Variants in GSDMA observed in about 807,000 individuals in gnomAD.
GSDMA encodes the protein gasdermin-A.
GSDMA carries 55 observed loss-of-function variants against 54.3 expected under a neutral mutation model. That is an observed-to-expected ratio of 1.01 (90% CI 0.82 to 1.27). The LOEUF (loss-of-function observed/expected upper bound fraction) is 1.27. GSDMA is among the 50% of genes most tolerant of loss of function. GSDMA has a pLI of 0.00. For synonymous variants in GSDMA, 211 were observed against 224.7 expected, an observed-to-expected ratio of 0.94 and a Z score of 0.54; for missense variants, 542 against 542.6, an observed-to-expected ratio of 1.00 and a Z score of 0.01.
rs73295294 is a variant in GSDMA, at chr17:39,971,765, C to T, written c.655+145C>T. ...GATCCGACTGCAGCCATGGAGCCTGCTCTGGAGAGAAGGGTGAAGAGGCTC... is the reference window on the plus strand; with the variant it reads ...GATCCGACTGCAGCCATGGAGCCTGTTCTGGAGAGAAGGGTGAAGAGGCTC... On this transcript the variant is annotated intron_variant, in intron 5 of 11. Transcript: ENST00000301659. 8 of 648,524 alleles carry T rather than the reference C, an allele frequency of 1.2e-5. No homozygotes were observed. In the African/African-American group the frequency reaches 1.4e-4, roughly 12 times the overall value. 40.2% of individuals were successfully genotyped at this position (648,524 alleles called of 1,614,324 possible).
chr17:39,968,825 G>C (rs1445856769), intron 3 of GSDMA, among the ~76,000 whole-genome samples: 3 of 152,188 alleles, frequency 2.0e-5, no homozygotes, highest in Non-Finnish European at 2.9e-5. Context: ...GTGACTGCGA[G>C]ATTTTACCCA....
chr17:39,967,108 T>A (rs1979705175), intron 3 of GSDMA, among the ~76,000 whole-genome samples: 1 of 152,200 alleles, frequency 6.6e-6, no homozygotes. Flanking sequence ...CCAGCAAGCA[T>A]GTATATAGTA....
chr17:39,963,629 G>A (rs111690387), intron 1 of GSDMA, among the ~76,000 whole-genome samples: 16,786 of 152,126 alleles, frequency 0.11, 1,057 homozygotes, highest in African/African-American at 0.15. Context: ...TGAGATGGGC[G>A]GATCACCTGA....
Position 39,966,400 on chromosome 17 carries a change from A to C in GSDMA, c.355A>C (p.Ser119Arg). 1 of 1,612,790 alleles carries C rather than the reference A, an allele frequency of 6.2e-7. No homozygotes were observed. Among genetic ancestry groups the C allele is most frequent in the South Asian group, 1.1e-5 (1 of 90,954 alleles). The change falls in exon 3 of 12, where the codon AGT (serine) becomes CGT (arginine). Residue 119 changes from serine to arginine, a missense_variant. Coordinates refer to ENST00000301659, the MANE Select transcript of GSDMA (RefSeq NM_178171.5). ...QNSTLEVQTL[S>R]VAPKALETVQ... ...CAGCACTCTGGAGGTCCAGACACTC[A>C]GTGTGGCTCCCAAGGCCCTGGAGAC...
chr17:39,965,848 T>C lies in GSDMA; in HGVS notation c.161T>C (p.Val54Ala), dbSNP rs761368384. ...KSTLFWGARY[V>A]RTDYTLLDVL... ...ACGCTCTTCTGGGGGGCCCGGTACG[T>C]CCGCACCGACTACACGCTGCTGGAT... Residue 54 changes from valine (V) to alanine (A), a missense_variant, in exon 2 of 12, where the codon GTC (valine) becomes GCC (alanine). Coordinates refer to ENST00000301659, the MANE Select transcript of GSDMA (RefSeq NM_178171.5). The C allele has an allele frequency of 6.4e-7, 1 of 1,569,808 alleles. No individual in the cohort carries two copies.
chr17:39,973,733 T>C, intron 7 of GSDMA, 77 bp from the exon 8 acceptor site: 1 of 1,207,816 alleles, frequency 8.3e-7, no homozygotes, highest in South Asian at 1.3e-5. Flanking sequence ...TCATCTTCCT[T>C]AGTGTCTCAA....
In GSDMA at chr17:39,977,175, T is replaced by G; in HGVS notation, c.*117T>G. ...AGCTGAAGACATCTGAAATCTCAGC[T>G]GGTCACCCATGATAACCAACTTCCA... On this transcript the variant is annotated 3_prime_UTR_variant, in exon 12 of 12. Transcript: ENST00000301659. 7.8e-7 allele frequency: 1 copy of G among 1,282,792 alleles called. No individual in the cohort carries two copies. The allele number at this position is 1,282,792 out of a possible 1,614,324, so 79.5% of individuals were successfully genotyped here.
intron 11 of GSDMA, 26 bp downstream of exon 11, chr17:39,976,023 GGA>G: frequency 2.0e-6 from 3 of 1,516,330 alleles, no homozygotes; most frequent in African/African-American, 2.7e-5. Context: ...CAGATGCTGG[GGA>G]GAGTCTGGGA....
At position 39,965,728 on chromosome 17, in the gene GSDMA, A is replaced by G. The variant is rs777833795; in HGVS notation, c.41A>G (p.Gln14Arg). The change falls in exon 2 of 12, where the codon CAG becomes CGG. Residue 14 changes from glutamine (Q) to arginine (R), a missense_variant. Coordinates refer to ENST00000301659, the MANE Select transcript of GSDMA (RefSeq NM_178171.5). ...FENVTRALARQLNPRGDLTPL... is the reference protein window; with the variant it reads ...FENVTRALARRLNPRGDLTPL... ...AATGTCACCCGGGCCCTGGCCAGAC[A>G]GCTAAACCCTCGAGGGGACCTGACA... The G allele has an allele frequency of 8.7e-6, 14 of 1,611,396 alleles. No individual in the cohort carries two copies. In the East Asian group the frequency reaches 3.1e-4, roughly 36 times the overall value.
chr17:39,970,141 G>T (rs11654570), intron 3 of GSDMA, among the ~76,000 whole-genome samples: 36 of 151,932 alleles, frequency 2.4e-4, no homozygotes, highest in Non-Finnish European at 4.6e-4. Flanking sequence ...GAGGAAAGAG[G>T]GGGGGAGCAT....
intron 6 of GSDMA, 145 bp from the exon 7 acceptor site, chr17:39,972,442 T>C (rs1979995700): frequency 1.3e-6 from 1 of 777,522 alleles, no homozygotes; most frequent in South Asian, 1.6e-5. Context: ...ACTGAGTGTG[T>C]TCCCGAATCA....
At chr17:39,968,867 A>G (rs1180631401) in intron 3 of GSDMA, among the ~76,000 whole-genome samples, 1 of 152,184 alleles carries the variant, frequency 6.6e-6, no homozygotes, top group Non-Finnish European at 1.5e-5. Flanking sequence ...TAAAGCTACC[A>G]TTACAGGTGA....
rs1251659253 is a variant in GSDMA, at chr17:39,974,958, T to A, written c.965T>A (p.Val322Asp). Residue 322 changes from valine to aspartate, a missense_variant, in exon 10 of 12, where the codon GTC becomes GAC. Coordinates refer to ENST00000301659, the MANE Select transcript of GSDMA (RefSeq NM_178171.5). ...EVTLEALPKDVLLSKEAVGAI... is the reference protein window; with the variant it reads ...EVTLEALPKDDLLSKEAVGAI... ...ACCCTGGAGGCACTCCCAAAAGATG[T>A]CCTGCTATCAAAGGAGGCCGTGGGC... is the stretch of plus-strand genomic sequence containing the variant. 3.7e-6 allele frequency: 6 copies of A among 1,613,206 alleles called. No homozygotes were observed. The highest frequency in any genetic ancestry group is 4.2e-6 in the Non-Finnish European group (5 of 1,179,598).
At chr17:39,969,355 A>AG (rs1286546508) in intron 3 of GSDMA, among the ~76,000 whole-genome samples, 166 of 151,744 alleles carry the variant, frequency 1.1e-3, no homozygotes, top group African/African-American at 3.9e-3. Flanking sequence ...AAAAAAAAAA[A>AG]AAAAGAAAAA....
chr17:39,965,502 C>A, intron 1 of GSDMA, 181 bp from the exon 2 acceptor site: 2 of 593,328 alleles, frequency 3.4e-6, no homozygotes, highest in Non-Finnish European at 6.0e-6. Flanking sequence ...GGTTCCTCAT[C>A]ATAAAATGCA....
At chr17:39,971,118 G>A (rs1226722480) in intron 4 of GSDMA, among the ~76,000 whole-genome samples, 2 of 152,230 alleles carry the variant, frequency 1.3e-5, no homozygotes, top group African/African-American at 4.8e-5. Context: ...TTGGAGCCAG[G>A]AGTAGGGGTT....
intron 3 of GSDMA, 63 bp downstream of exon 3, chr17:39,966,500 C>T (rs1232234822): frequency 1.4e-6 from 2 of 1,400,884 alleles, no homozygotes; most frequent in Non-Finnish European, 1.9e-6. Flanking sequence ...GGAAATGGTG[C>T]TTGGGGCCTT....
rs1051245569 is a variant in GSDMA, at chr17:39,977,620, A to G, written c.*562A>G. ...GCTTAAATATTCTAGGAGTAGAAGC[A>G]CTCAGACTTTTAAAACTATGAGCCG... On this transcript the variant is annotated 3_prime_UTR_variant, in exon 12 of 12. Coordinates refer to ENST00000301659, the MANE Select transcript of GSDMA (RefSeq NM_178171.5). 1 of 152,098 alleles carries G rather than the reference A, an allele frequency of 6.6e-6. No individual in the cohort carries two copies. Among genetic ancestry groups the G allele is most frequent in the Non-Finnish European group, 1.5e-5 (1 of 68,052 alleles). The allele number at this position is 152,098 out of a possible 1,614,324, so 9.4% of individuals were successfully genotyped here.
intron 1 of GSDMA, among the ~76,000 whole-genome samples, chr17:39,965,328 GAAAGAA>G (rs1468796483): frequency 6.6e-6 from 1 of 151,020 alleles, no homozygotes; most frequent in Non-Finnish European, 1.5e-5. Flanking sequence ...AAGAAAGAAA[GAAAGAA>G]AAAGAAAAGA....
Sources: allele counts gnomAD v4.1 joint callset (sites outside exome capture counted in the v4.1 genomes callset), GRCh38; gene constraint gnomAD v4.1.1; transcripts MANE v1.5; gene names NCBI Gene and HGNC (gene_info 2026-07-23, HGNC 2026-07-21).